The following CNTN4 variants were observed in gnomAD, a reference collection of about 807,000 sequenced individuals.
CNTN4 encodes the protein contactin-4.
Under a neutral mutation model 122.5 loss-of-function variants are expected in CNTN4, and 77 were observed. That is an observed-to-expected ratio of 0.63 (90% CI 0.52 to 0.76). The LOEUF (loss-of-function observed/expected upper bound fraction) is 0.76, where lower values mean the gene tolerates loss of function less well. Among genes scored for constraint, CNTN4 ranks in the 30% least tolerant of loss-of-function variants. The pLI is 0.00. For synonymous variants in CNTN4, 512 were observed against 447.0 expected (o/e 1.15, Z -1.83); for missense variants, 1,256 against 1,259.1 (o/e 1.00, Z 0.04).
intron 6 of CNTN4, among the ~76,000 whole-genome samples, chr3:2,763,103 A>G (rs1478761675): frequency 2.0e-5 from 3 of 151,840 alleles, no homozygotes; most frequent in Non-Finnish European, 2.9e-5. Context: ...CACCACGCCC[A>G]GCTAATTTTG....
intron 7 of CNTN4, among the ~76,000 whole-genome samples, chr3:2,863,192 AAATAC>A (rs990365559): frequency 2.1e-4 from 32 of 152,194 alleles, no homozygotes; most frequent in Admixed American, 6.5e-4. Flanking sequence ...AAACAAATAA[AAATAC>A]AATATTCCAG....
At chr3:2,435,425 A>C in intron 3 of CNTN4, among the ~76,000 whole-genome samples, 1 of 152,120 alleles carries the variant, frequency 6.6e-6, no homozygotes, top group East Asian at 1.9e-4. Flanking sequence ...GGGAATAATG[A>C]TGAGGGGGAA....
chr3:2,116,951 T>C (rs1190355078), intron 2 of CNTN4, among the ~76,000 whole-genome samples: 2 of 152,152 alleles, frequency 1.3e-5, no homozygotes, highest in Non-Finnish European at 2.9e-5. Context: ...GAGAAGATTT[T>C]TGTGACCAAA....
intron 2 of CNTN4, among the ~76,000 whole-genome samples, chr3:2,192,042 C>T (rs1051896764): frequency 3.3e-5 from 5 of 151,756 alleles, no homozygotes; most frequent in African/African-American, 9.7e-5. Flanking sequence ...ATCCATCTCC[C>T]TACAAAGGAC....
At chr3:2,817,458 A>T (rs1296460424) in intron 6 of CNTN4, among the ~76,000 whole-genome samples, 1 of 152,246 alleles carries the variant, frequency 6.6e-6, no homozygotes, top group Non-Finnish European at 1.5e-5. Flanking sequence ...AACGTTTCTG[A>T]TTATTTTCTC....
chr3:2,414,254 C>T (rs2047332843), intron 3 of CNTN4, among the ~76,000 whole-genome samples: 1 of 152,172 alleles, frequency 6.6e-6, no homozygotes, highest in East Asian at 1.9e-4. Context: ...TCCTATTAAA[C>T]TGCACCTTCT....
intron 2 of CNTN4, among the ~76,000 whole-genome samples, chr3:2,162,127 A>G (rs1431041728): frequency 6.6e-6 from 1 of 152,212 alleles, no homozygotes; most frequent in Admixed American, 6.5e-5. Context: ...ATAATAAAAT[A>G]CCACATAATT....
intron 4 of CNTN4, among the ~76,000 whole-genome samples, chr3:2,710,844 T>C (rs1436512996): frequency 6.6e-6 from 1 of 152,222 alleles, no homozygotes; most frequent in African/African-American, 2.4e-5. Context: ...AGGCTTTCCA[T>C]ACACTCCACA....
At chr3:2,549,565 G>T (rs1165341411) in intron 3 of CNTN4, among the ~76,000 whole-genome samples, 2 of 152,128 alleles carry the variant, frequency 1.3e-5, no homozygotes, top group Non-Finnish European at 2.9e-5. Flanking sequence ...GATCATGGTG[G>T]ATAAGCTTTT....
At chr3:2,731,841 A>C (rs150168288) in intron 4 of CNTN4, among the ~76,000 whole-genome samples, 53 of 152,366 alleles carry the variant, frequency 3.5e-4, no homozygotes, top group African/African-American at 1.3e-3. Context: ...AAGACAAACT[A>C]TAACTATAGG....
At chr3:2,255,157 G>T (rs957400466) in intron 2 of CNTN4, among the ~76,000 whole-genome samples, 5 of 152,140 alleles carry the variant, frequency 3.3e-5, no homozygotes, top group African/African-American at 1.2e-4. Flanking sequence ...TTTCTCCATT[G>T]CTTGTTTTTG....
At chr3:2,217,930 C>G (rs1192892573) in intron 2 of CNTN4, among the ~76,000 whole-genome samples, 2 of 152,084 alleles carry the variant, frequency 1.3e-5, no homozygotes, top group Admixed American at 6.6e-5. Flanking sequence ...AGATCTACCA[C>G]TTAGGGAGTT....
At chr3:2,276,767 T>C (rs529127369) in intron 2 of CNTN4, among the ~76,000 whole-genome samples, 3 of 152,096 alleles carry the variant, frequency 2.0e-5, no homozygotes, top group South Asian at 4.2e-4. Context: ...AATACAAAAA[T>C]TAGATGGGCG....
At chr3:2,480,374 C>T (rs1330544631) in intron 3 of CNTN4, among the ~76,000 whole-genome samples, 5 of 152,028 alleles carry the variant, frequency 3.3e-5, no homozygotes. Context: ...TCCAGAAAAT[C>T]AACATAAAAT....
At chr3:2,752,614 G>A (rs1255448479) in intron 6 of CNTN4, among the ~76,000 whole-genome samples, 1 of 152,152 alleles carries the variant, frequency 6.6e-6, no homozygotes, top group Non-Finnish European at 1.5e-5. Flanking sequence ...GCCTCCCAAA[G>A]TGCTGGGATT....
At chr3:2,602,898 G>C (rs990226630) in intron 4 of CNTN4, among the ~76,000 whole-genome samples, 1 of 152,142 alleles carries the variant, frequency 6.6e-6, no homozygotes, top group Non-Finnish European at 1.5e-5. Flanking sequence ...TTAAGTAAGG[G>C]GGGTTCCAGT....
chr3:2,988,540 G>A (rs999791527), intron 14 of CNTN4, 68 bp downstream of exon 14: 36 of 1,518,080 alleles, frequency 2.4e-5, no homozygotes, highest in East Asian at 6.8e-5. Context: ...GTAATCTACC[G>A]AAGTGGCATC....
At chr3:2,402,822 A>C (rs928193751) in intron 3 of CNTN4, among the ~76,000 whole-genome samples, 1 of 152,142 alleles carries the variant, frequency 6.6e-6, no homozygotes, top group Non-Finnish European at 1.5e-5. Context: ...ATATACCTAA[A>C]GTATATGAAA....
chr3:2,781,305 A>G (rs556772597), intron 6 of CNTN4, among the ~76,000 whole-genome samples: 1 of 152,332 alleles, frequency 6.6e-6, no homozygotes, highest in East Asian at 1.9e-4. Flanking sequence ...CAGGTTTATC[A>G]TCATTAACAA....
Sources: gnomAD v4.1 joint callset for allele counts (sites outside exome capture counted in the v4.1 genomes callset) on GRCh38, gnomAD v4.1.1 for gene constraint, MANE v1.5 for transcripts, NCBI Gene and HGNC (gene_info 2026-07-23, HGNC 2026-07-21) for gene names.